Variants in PSMB1 observed in about 807,000 individuals in gnomAD.
The protein encoded by PSMB1 is proteasome subunit beta type-1.
PSMB1 carries 7 observed loss-of-function variants against 25.4 expected under a neutral mutation model. The ratio of observed to expected loss-of-function variants is 0.28; its 90% CI spans 0.16 to 0.52. The LOEUF (loss-of-function observed/expected upper bound fraction) is 0.52, where lower values mean the gene tolerates loss of function less well. Among genes scored for constraint, PSMB1 ranks in the 20% least tolerant of loss-of-function variants. The pLI is 0.97. For missense variants in PSMB1, 284 were observed against 302.2 expected, an observed-to-expected ratio of 0.94 and a Z score of 0.45; for synonymous variants, 119 against 115.0, an observed-to-expected ratio of 1.03 and a Z score of -0.22.
At chr6:170,552,306 T>C (rs1363503313) in intron 1 of PSMB1, among the ~76,000 whole-genome samples, 2 of 152,232 alleles carry the variant, frequency 1.3e-5, no homozygotes, top group Non-Finnish European at 2.9e-5. Flanking sequence ...ATAACCACTG[T>C]TTCAATTTAC....
intron 4 of PSMB1, 141 bp from the exon 5 acceptor site, chr6:170,537,481 C>T (rs1240571778): frequency 1.6e-6 from 1 of 643,286 alleles, no homozygotes; most frequent in Non-Finnish European, 2.8e-6. Flanking sequence ...AACACAGCCA[C>T]TGTTGCACTG....
Position 170,553,130 on chromosome 6 carries a change from C to T in PSMB1, c.113G>A (p.Gly38Asp). 1 of 1,607,098 alleles carries T rather than the reference C, an allele frequency of 6.2e-7. No individual in the cohort carries two copies. The highest frequency in any genetic ancestry group is 8.5e-7 in the Non-Finnish European group (1 of 1,176,404). The change falls in exon 1 of 6, where the codon GGT becomes GAT. Residue 38 changes from glycine to aspartate, a missense_variant and splice_region_variant. Coordinates refer to ENST00000262193, the MANE Select transcript of PSMB1 (RefSeq NM_002793.4). ...AGCCGCAGCTCTCTGGGGTTTTTAC[C>T]CTCCGTTGAAAACGTAGGGCGAAAA... ...LRFSPYVFNG[G>D]TILAIAGEDF...
intron 2 of PSMB1, among the ~76,000 whole-genome samples, chr6:170,547,070 G>C (rs1196022153): frequency 6.6e-6 from 1 of 152,118 alleles, no homozygotes; most frequent in Non-Finnish European, 1.5e-5. Context: ...CTCAAAAAGA[G>C]ACTATTTCAA....
At chr6:170,540,588 CA>C (rs5881872) in intron 4 of PSMB1, among the ~76,000 whole-genome samples, 2,150 of 60,994 alleles carry the variant, frequency 0.035, 9 homozygotes, top group Middle Eastern at 0.089. Context: ...GAATGGACAG[CA>C]AAAAAAAAAA....
chr6:170,552,264 A>AT (rs1778913568), intron 1 of PSMB1, among the ~76,000 whole-genome samples: 1 of 152,206 alleles, frequency 6.6e-6, no homozygotes, highest in Non-Finnish European at 1.5e-5. Context: ...TTGCGTGTGT[A>AT]TATTTTAATG....
rs758118796 is a variant in PSMB1, at chr6:170,543,670, T to C, written c.364A>G (p.Thr122Ala). The C allele has an allele frequency of 6.2e-7, 1 of 1,611,850 alleles. No individual in the cohort carries two copies. The highest frequency in any genetic ancestry group is 1.1e-5 in the South Asian group (1 of 91,020). Residue 122 changes from threonine (T) to alanine (A), a missense_variant, in exon 4 of 6, where the codon ACA (threonine) becomes GCA (alanine). Coordinates refer to ENST00000262193, the MANE Select transcript of PSMB1 (RefSeq NM_002793.4). Reference protein sequence around the residue: ...TTGAIAAMLSTILYSRRFFPY... With the variant: ...TTGAIAAMLSAILYSRRFFPY... ...AAGAAGCGCCTTGAATACAGGATTG[T>C]AGACAGCATTGCAGCAATTGCCCCC...
At chr6:170,547,105 T>A (rs1315151865) in intron 2 of PSMB1, among the ~76,000 whole-genome samples, 1 of 152,208 alleles carries the variant, frequency 6.6e-6, no homozygotes, top group Non-Finnish European at 1.5e-5. Context: ...TAAAAATGCC[T>A]AACTAACTAA....
At chr6:170,548,307 G>A (rs1237380342) in intron 2 of PSMB1, among the ~76,000 whole-genome samples, 1 of 152,140 alleles carries the variant, frequency 6.6e-6, no homozygotes, top group Non-Finnish European at 1.5e-5. Context: ...AGGAATTCAT[G>A]ACCATTTATA....
At chr6:170,535,666 G>T (rs992622201) in intron 5 of PSMB1, among the ~76,000 whole-genome samples, 6 of 152,190 alleles carry the variant, frequency 3.9e-5, no homozygotes, top group African/African-American at 1.4e-4. Flanking sequence ...CAAGCAAAGT[G>T]ATCAGAGAAT....
chr6:170,547,901 G>GGC (rs1367314503), intron 2 of PSMB1, among the ~76,000 whole-genome samples: 1 of 106,566 alleles, frequency 9.4e-6, no homozygotes, highest in Non-Finnish European at 2.1e-5. Context: ...AAAAAAAAGT[G>GGC]CTCACTTCAC....
chr6:170,538,892 T>G (rs1200394687), intron 4 of PSMB1, among the ~76,000 whole-genome samples: 4 of 152,136 alleles, frequency 2.6e-5, no homozygotes, highest in African/African-American at 9.7e-5. Context: ...AAAATGATTG[T>G]ATCTCTCATG....
chr6:170,542,104 C>T (rs1373046789), intron 4 of PSMB1, among the ~76,000 whole-genome samples: 1 of 152,188 alleles, frequency 6.6e-6, no homozygotes, highest in African/African-American at 2.4e-5. Context: ...ACTATTTCTA[C>T]ACTTTACTTT....
At chr6:170,549,414 A>C (rs1778863436) in intron 1 of PSMB1, 1 of 276,106 alleles carries the variant, frequency 3.6e-6, no homozygotes, top group Non-Finnish European at 6.8e-6. Flanking sequence ...TACTACTAAT[A>C]CAGAACAACT....
chr6:170,543,026 T>C (rs999406795), intron 4 of PSMB1, among the ~76,000 whole-genome samples: 1 of 152,102 alleles, frequency 6.6e-6, no homozygotes, highest in African/African-American at 2.4e-5. Flanking sequence ...AACAAATGGA[T>C]TGGAACATTT....
Position 170,545,144 on chromosome 6 carries a change from C to CAA in PSMB1, c.303+957_303+958dup, listed in dbSNP as rs373077081. On this transcript the variant is annotated intron_variant, in intron 3 of 5. Coordinates refer to ENST00000262193, the MANE Select transcript of PSMB1 (RefSeq NM_002793.4). ...GGGCAACAAGAGTGAAACTCTGTCT[C>CAA]AAAAAAAAAAAAAAAAATTTCATTC... Among the ~76,000 whole-genome samples the CAA allele has an allele frequency of 4.9e-4, 63 of 128,300 alleles. 1 individual carries two copies. The highest frequency in any genetic ancestry group is 1.3e-3 in the African/African-American group (47 of 35,340). The allele number at this position is 128,300 out of a possible 152,430, so 84.2% of individuals were successfully genotyped here.
intron 4 of PSMB1, among the ~76,000 whole-genome samples, chr6:170,541,117 G>T (rs1303691922): frequency 6.6e-6 from 1 of 152,102 alleles, no homozygotes; most frequent in Admixed American, 6.5e-5. Flanking sequence ...CTAAAATAAG[G>T]AAATAAATCA....
At chr6:170,538,516 C>G (rs538330511) in intron 4 of PSMB1, among the ~76,000 whole-genome samples, 1 of 152,098 alleles carries the variant, frequency 6.6e-6, no homozygotes, top group Non-Finnish European at 1.5e-5. Context: ...CTGGCCAACA[C>G]AGTGAAACCC....
In PSMB1 at chr6:170,541,716, G is replaced by C. The variant is rs544029288; in HGVS notation, c.433+1885C>G. On this transcript the variant is annotated intron_variant, in intron 4 of 5. Coordinates refer to ENST00000262193, the MANE Select transcript of PSMB1 (RefSeq NM_002793.4). ...AAAGCCAACCAGACAGACAAGCTTA[G>C]AAAGACAGTTCTAGAGACACCTGAG... Among the ~76,000 whole-genome samples the C allele has an allele frequency of 3.5e-4, 54 of 152,298 alleles. 1 individual carries two copies. Among genetic ancestry groups the C allele is most frequent in the African/African-American group, 1.2e-3 (50 of 41,566 alleles).
chr6:170,553,275 T>C lies in PSMB1; in HGVS notation c.-33A>G, dbSNP rs111838486. ...CTGCGCCTGCGGATCCGACACTTGC[T>C]GTCTCACGGCGAGATGGCTGCCTTG... is the stretch of plus-strand genomic sequence containing the variant. On this transcript the variant is annotated 5_prime_UTR_variant, in exon 1 of 6. Transcript: ENST00000262193. 42 of 1,528,622 alleles carry C rather than the reference T, an allele frequency of 2.7e-5. No homozygotes were observed. The highest frequency in any genetic ancestry group is 3.4e-5 in the Non-Finnish European group (38 of 1,112,344). 94.7% of individuals were successfully genotyped at this position (1,528,622 alleles called of 1,614,324 possible).
Sources: allele counts gnomAD v4.1 joint callset (sites outside exome capture counted in the v4.1 genomes callset), GRCh38; gene constraint gnomAD v4.1.1; transcripts MANE v1.5; gene names NCBI Gene and HGNC (gene_info 2026-07-23, HGNC 2026-07-21).